The following HSPB8 variants were observed in gnomAD, a reference collection of about 807,000 sequenced individuals.
The protein encoded by HSPB8 is heat shock protein beta-8.
Under a neutral mutation model 16.5 loss-of-function variants are expected in HSPB8, and 9 were observed. The observed-to-expected ratio is 0.55, with a 90% confidence interval of 0.33 to 0.95. The LOEUF (loss-of-function observed/expected upper bound fraction) is 0.95. Ranked by LOEUF, HSPB8 falls within the 40% of genes least tolerant of loss-of-function variation. The pLI, the probability that HSPB8 is intolerant of heterozygous loss-of-function variation, is 0.03. For synonymous variants in HSPB8, 99 were observed against 94.8 expected (o/e 1.04, Z -0.26); for missense variants, 238 against 251.2 (o/e 0.95, Z 0.35).
At chr12:119,180,906 G>T (rs566927543) in intron 1 of HSPB8, among the ~76,000 whole-genome samples, 15 of 152,286 alleles carry the variant, frequency 9.8e-5, no homozygotes, top group African/African-American at 3.6e-4. Flanking sequence ...GGTGTGGTGG[G>T]CTGGGAGACA....
intron 1 of HSPB8, among the ~76,000 whole-genome samples, chr12:119,184,938 G>A (rs900293917): frequency 2.0e-5 from 3 of 152,174 alleles, no homozygotes; most frequent in African/African-American, 7.2e-5. Context: ...TAATTATAAT[G>A]TGTTAGCAAG....
chr12:119,182,025 A>G (rs1954641285), intron 1 of HSPB8: 1 of 152,160 alleles, frequency 6.6e-6, no homozygotes, highest in Non-Finnish European at 1.5e-5. Context: ...TGGTCCCTCT[A>G]GGAGACCCTC....
rs142999999 is a variant in HSPB8 at position 119,190,888 on chromosome 12, A to C, written c.432-2811A>C. 3.2e-3 allele frequency among the ~76,000 whole-genome samples: 493 copies of C among 152,340 alleles called. 2 individuals are homozygous for C. The highest frequency in any genetic ancestry group is 0.011 in the African/African-American group (472 of 41,580). ...GTACTTAGCAGAGACATTCCTTCAGATGTAAGTAGAAGCACTGAAAGAGAA... is the reference window on the plus strand; with the variant it reads ...GTACTTAGCAGAGACATTCCTTCAGCTGTAAGTAGAAGCACTGAAAGAGAA... On this transcript the variant is annotated intron_variant, in intron 2 of 2. Coordinates refer to ENST00000281938, the MANE Select transcript of HSPB8 (RefSeq NM_014365.3).
intron 1 of HSPB8, 137 bp from the exon 2 acceptor site, chr12:119,186,888 A>G (rs1954679490): frequency 6.3e-6 from 5 of 796,854 alleles, no homozygotes. Context: ...CTTGAGGCTT[A>G]GATAACTAGA....
chr12:119,187,146 G>C, intron 2 of HSPB8, 58 bp downstream of exon 2: 2 of 1,401,354 alleles, frequency 1.4e-6, no homozygotes, highest in Non-Finnish European at 2.0e-6. Flanking sequence ...GCACACCTGG[G>C]ACCCATGATC....
rs886049027 is a variant in HSPB8 at position 119,194,362 on chromosome 12, T to A, written c.*504T>A. The A allele has an allele frequency of 4.7e-6, 1 of 212,576 alleles. No individual in the cohort carries two copies. The highest frequency in any genetic ancestry group is 2.3e-5 in the African/African-American group (1 of 43,056). The allele number at this position is 212,576 out of a possible 1,614,324, so 13.2% of individuals were successfully genotyped here. A position where few individuals can be genotyped will look rare whatever the true frequency, so the allele number is the denominator to read the frequency against. On this transcript the variant is annotated 3_prime_UTR_variant, in exon 3 of 3. Transcript: ENST00000281938. ...AAATGGGTGATATACAGGTCTTATA[T>A]CCCCATATGGAATTTATCCATCAAC...
chr12:119,186,208 C>T (rs991843182), intron 1 of HSPB8, among the ~76,000 whole-genome samples: 5 of 152,242 alleles, frequency 3.3e-5, no homozygotes, highest in Non-Finnish European at 5.9e-5. Flanking sequence ...TTGGGAAGCC[C>T]TCTCTTACCA....
At chr12:119,192,714 T>G (rs1954719602) in intron 2 of HSPB8, among the ~76,000 whole-genome samples, 1 of 152,040 alleles carries the variant, frequency 6.6e-6, no homozygotes, top group Non-Finnish European at 1.5e-5. Context: ...TATTAGTCTG[T>G]TTTCACACTG....
At chr12:119,190,229 T>A (rs55845457) in intron 2 of HSPB8, among the ~76,000 whole-genome samples, 5 of 152,158 alleles carry the variant, frequency 3.3e-5, no homozygotes, top group African/African-American at 1.2e-4. Flanking sequence ...AGCTCCTGGC[T>A]CTGCCCAGAC....
chr12:119,193,747 A>G lies in HSPB8; in HGVS notation c.480A>G (p.Pro160=). 1 of 1,614,178 alleles carries G rather than the reference A, an allele frequency of 6.2e-7. No individual in the cohort carries two copies. The highest frequency in any genetic ancestry group is 8.5e-7 in the Non-Finnish European group (1 of 1,180,014). The part of the protein sequence containing the change: ...DPVTVFASLS[P]EGLLIIEAPQ... ...TGACAGTATTTGCCTCACTTTCCCC[A>G]GAGGGTCTGCTGATCATCGAAGCTC... Residue 160 remains proline (P), a synonymous_variant, in exon 3 of 3, where the codon CCA becomes CCG. Transcript: ENST00000281938.
intron 1 of HSPB8, among the ~76,000 whole-genome samples, chr12:119,184,083 G>T (rs1353000956): frequency 1.3e-5 from 2 of 152,186 alleles, no homozygotes; most frequent in South Asian, 4.1e-4. Context: ...AAATGTCAGA[G>T]TAGAGACTTA....
chr12:119,186,097 G>A (rs1234694383), intron 1 of HSPB8, among the ~76,000 whole-genome samples: 1 of 152,170 alleles, frequency 6.6e-6, no homozygotes, highest in East Asian at 1.9e-4. Flanking sequence ...AAAGAATGAG[G>A]AGAGACCGAG....
At chr12:119,193,004 C>T (rs562034737) in intron 2 of HSPB8, among the ~76,000 whole-genome samples, 4 of 152,230 alleles carry the variant, frequency 2.6e-5, no homozygotes, top group South Asian at 2.1e-4. Flanking sequence ...TCTCCCACAA[C>T]GTATGGGAAT....
chr12:119,187,511 T>G (rs1006931360), intron 2 of HSPB8, among the ~76,000 whole-genome samples: 3 of 152,072 alleles, frequency 2.0e-5, no homozygotes, highest in Non-Finnish European at 4.4e-5. Context: ...TGTGCCACCA[T>G]GTCCGGCTAA....
chr12:119,185,119 T>C lies in HSPB8; in HGVS notation c.368-1906T>C, dbSNP rs575351222. Among the ~76,000 whole-genome samples the C allele has an allele frequency of 6.6e-5, 10 of 152,044 alleles. No individual in the cohort carries two copies. In the East Asian group the frequency reaches 1.9e-3, roughly 29 times the overall value. On this transcript the variant is annotated intron_variant, in intron 1 of 2. Coordinates refer to ENST00000281938, the MANE Select transcript of HSPB8 (RefSeq NM_014365.3). ...GGGGTGACAGGATTATAAGTAGTTT[T>C]GATGGCTTTTTTTTTTAATTTTTTC... is the stretch of plus-strand genomic sequence containing the variant.
intron 1 of HSPB8, chr12:119,186,792 C>T (rs544697346): frequency 1.6e-4 from 87 of 554,346 alleles, no homozygotes; most frequent in African/African-American, 6.8e-4. Context: ...CCACGGTCTA[C>T]GCCTCCTTTC....
At chr12:119,184,983 C>G (rs1015053160) in intron 1 of HSPB8, among the ~76,000 whole-genome samples, 6 of 152,266 alleles carry the variant, frequency 3.9e-5, no homozygotes, top group African/African-American at 1.2e-4. Flanking sequence ...ATGCAGAGAA[C>G]TATCCCATTT....
At position 119,194,171 on chromosome 12, in the gene HSPB8, T is replaced by C. The variant is rs1426717158; in HGVS notation, c.*313T>C. On this transcript the variant is annotated 3_prime_UTR_variant, in exon 3 of 3. Coordinates refer to ENST00000281938, the MANE Select transcript of HSPB8 (RefSeq NM_014365.3). ...AAAGGGGACTTAACATTTCACGTTGTATCTTACTTGCAGTGAATGCAAGGG... is the reference window on the plus strand; with the variant it reads ...AAAGGGGACTTAACATTTCACGTTGCATCTTACTTGCAGTGAATGCAAGGG... The C allele has an allele frequency of 2.5e-6, 1 of 396,828 alleles. No homozygotes were observed. The highest frequency in any genetic ancestry group is 2.1e-5 in the African/African-American group (1 of 48,664). 24.6% of individuals were successfully genotyped at this position (396,828 alleles called of 1,614,324 possible).
intron 2 of HSPB8, among the ~76,000 whole-genome samples, chr12:119,192,565 G>T (rs1203271631): frequency 6.6e-6 from 1 of 152,078 alleles, no homozygotes; most frequent in Non-Finnish European, 1.5e-5. Flanking sequence ...TGAGGCAGGA[G>T]AATTGCTTGA....
Sources: gnomAD v4.1 joint callset for allele counts (sites outside exome capture counted in the v4.1 genomes callset) on GRCh38, gnomAD v4.1.1 for gene constraint, MANE v1.5 for transcripts, NCBI Gene and HGNC (gene_info 2026-07-23, HGNC 2026-07-21) for gene names.